The following GART variants were observed in gnomAD, a reference collection of about 807,000 sequenced individuals.
GART encodes the protein trifunctional purine biosynthetic protein adenosine-3.
A neutral mutation model predicts 107.2 loss-of-function variants in GART; 43 were observed. That is an observed-to-expected ratio of 0.40 (90% CI 0.31 to 0.52). The LOEUF is 0.52. Among genes scored for constraint, GART ranks in the 20% least tolerant of loss-of-function variants. GART has a pLI of 0.52. For synonymous variants in GART, 434 were observed against 427.0 expected (o/e 1.02, Z -0.20); for missense variants, 1,107 against 1,206.5 (o/e 0.92, Z 1.22).
At chr21:33,528,356 T>C in intron 9 of GART, 21 bp from the exon 10 acceptor site, 1 of 1,610,040 alleles carries the variant, frequency 6.2e-7, no homozygotes, top group Non-Finnish European at 8.5e-7. Context: ...ATAATCCACA[T>C]GGCAGGTGGG....
chr21:33,522,406 T>A, intron 11 of GART, 124 bp from the exon 12 acceptor site: 1 of 707,106 alleles, frequency 1.4e-6, no homozygotes, highest in Non-Finnish European at 2.4e-6. Flanking sequence ...TAAATTTTTT[T>A]AAAGTCAGTG....
intron 1 of GART, among the ~76,000 whole-genome samples, chr21:33,540,953 G>C (rs1255796791): frequency 1.3e-5 from 2 of 152,170 alleles, no homozygotes; most frequent in South Asian, 4.1e-4. Context: ...ACAGGTAAGA[G>C]GGGGTGGAGC....
At chr21:33,521,072 T>C (rs1490074711) in intron 12 of GART, 57 bp from the exon 13 acceptor site, 8 of 1,375,202 alleles carry the variant, frequency 5.8e-6, no homozygotes, top group East Asian at 2.3e-5. Context: ...CATGTAATTA[T>C]TTAAATGTCT....
upstream of GART, chr21:33,542,143 G>T (rs1313915218): frequency 6.6e-6 from 1 of 150,936 alleles, no homozygotes; most frequent in African/African-American, 2.5e-5. Context: ...GGACCAGCGC[G>T]GCACCGCCCC....
chr21:33,540,650 G>A (rs2085395634), intron 1 of GART, among the ~76,000 whole-genome samples: 1 of 152,094 alleles, frequency 6.6e-6, no homozygotes, highest in Admixed American at 6.6e-5. Flanking sequence ...AGTACAATCT[G>A]GCACTCAGCA....
At chr21:33,539,996 T>C (rs1569039815) in intron 1 of GART, among the ~76,000 whole-genome samples, 1 of 152,182 alleles carries the variant, frequency 6.6e-6, no homozygotes, top group Non-Finnish European at 1.5e-5. Flanking sequence ...TGTTTTAGAC[T>C]CAAAATGTAT....
In GART at chr21:33,522,276, C is replaced by T. The variant is rs2084987475; in HGVS notation, c.1305G>A (p.Leu435=). 2 of 1,609,516 alleles carry T rather than the reference C, an allele frequency of 1.2e-6. No homozygotes were observed. The highest frequency in any genetic ancestry group is 1.7e-6 in the Non-Finnish European group (2 of 1,176,054). ...TATCTACTCCAGATTCCTTGTAAGT[C>T]AAACTCCTAAAGAATTAAAAACAAG... The part of the protein sequence containing the change: ...AIAFLQQPRS[L]TYKESGVDIA... Residue 435 remains leucine (L), a synonymous_variant, in exon 12 of 22, where the codon TTG becomes TTA. Transcript: ENST00000381815.
rs1243942516 is a variant in GART at position 33,539,198 on chromosome 21, C to A, written c.118G>T (p.Ala40Ser). The A allele has an allele frequency of 1.9e-6, 3 of 1,613,858 alleles. No homozygotes were observed. Among genetic ancestry groups the A allele is most frequent in the Non-Finnish European group, 2.5e-6 (3 of 1,179,906 alleles). ...VLVAPGNAGT[A>S]CSEKISNTAI... ...GTATTTGAAATCTTTTCAGAGCAGG[C>A]AGTGCCTGCGTTTCCTGGGGCAACC... The change falls in exon 2 of 22, where the codon GCC becomes TCC. Residue 40 changes from alanine to serine, a missense_variant. Coordinates refer to ENST00000381815, the MANE Select transcript of GART (RefSeq NM_000819.5).
chr21:33,532,908 A>G (rs911455088), intron 4 of GART, among the ~76,000 whole-genome samples: 41 of 152,192 alleles, frequency 2.7e-4, no homozygotes, highest in Non-Finnish European at 3.5e-4. Flanking sequence ...AGTAAGTAAC[A>G]AAACTGTTAC....
Position 33,509,867 on chromosome 21 carries a change from A to G in GART, c.2368T>C (p.Ser790Pro), listed in dbSNP as rs570795394. 2.3e-4 allele frequency: 377 copies of G among 1,613,448 alleles called. 1 individual carries two copies. In the South Asian group the frequency reaches 4.0e-3, roughly 17 times the overall value. The stretch of plus-strand genomic sequence containing the variant: ...GTCAGGGAGCCATTCTTCAACACTG[A>G]CCCATTTATTTGCATGCTTTCAATC... ...NLIESMQING[S>P]VLKNGSLTNH... is the part of the protein sequence containing the mutation. The change falls in exon 18 of 22, where the codon TCA becomes CCA. Residue 790 changes from serine (S) to proline (P), a missense_variant. Ser to Pro is a moderately conservative substitution (Grantham distance 74, BLOSUM62 -1). Coordinates refer to ENST00000381815, the MANE Select transcript of GART (RefSeq NM_000819.5).
Position 33,534,632 on chromosome 21 carries a change from G to A in GART, c.363C>T (p.Thr121=), listed in dbSNP as rs150279055. ...GTTTGGTGAAAGCCTTCCATTGTGC[G>A]GTTGGGATTCCATGTCTGTCCATAA... The part of the protein sequence containing the change: ...KEFMDRHGIP[T]AQWKAFTKPE... Residue 121 remains threonine, a synonymous_variant, in exon 4 of 22, where the codon ACC becomes ACT. Transcript: ENST00000381815. 2.5e-5 allele frequency: 41 copies of A among 1,614,018 alleles called. No homozygotes were observed. Among genetic ancestry groups the A allele is most frequent in the African/African-American group, 6.7e-5 (5 of 74,906 alleles).
chr21:33,505,264 T>C lies in GART; in HGVS notation c.2725+297A>G, dbSNP rs1378696085. On this transcript the variant is annotated intron_variant, in intron 20 of 21. Transcript: ENST00000381815. ...GAATATTTATTCAAAAGATGAAATA[T>C]TATCTTTGCAGTAATGTGAAACAAA... is the stretch of plus-strand genomic sequence containing the variant. Among the ~76,000 whole-genome samples the C allele has an allele frequency of 4.6e-5, 7 of 152,212 alleles. No individual in the cohort carries two copies. The East Asian group carries it at 1.3e-3, about 29-fold the overall frequency.
In GART at chr21:33,506,107, G is replaced by C; in HGVS notation, c.2453-3C>G. 6.2e-7 allele frequency: 1 copy of C among 1,611,420 alleles called. No homozygotes were observed. The highest frequency in any genetic ancestry group is 8.5e-7 in the Non-Finnish European group (1 of 1,179,044). On this transcript the variant is annotated splice_region_variant and splice_polypyrimidine_tract_variant and intron_variant, in intron 18 of 21. Coordinates refer to ENST00000381815, the MANE Select transcript of GART (RefSeq NM_000819.5). ...TATAAGTGCTTGCAGGTTCGATCCT[G>C]AGAAGGGAGAAAAACAGCAGTGAGC...
At chr21:33,531,853 G>A (rs1043263833) in intron 5 of GART, 3 of 342,624 alleles carry the variant, frequency 8.8e-6, no homozygotes, top group Non-Finnish European at 1.6e-5. Context: ...TTTCATTATC[G>A]CCACTTAATC....
chr21:33,530,676 A>G (rs190798310), intron 7 of GART, 83 bp downstream of exon 7: 29 of 1,274,636 alleles, frequency 2.3e-5, no homozygotes, highest in Non-Finnish European at 2.8e-5. Context: ...AACAGAAAAC[A>G]AAACAAAATA....
chr21:33,510,717 T>C (rs148945341), intron 17 of GART, among the ~76,000 whole-genome samples: 260 of 152,264 alleles, frequency 1.7e-3, no homozygotes, highest in Non-Finnish European at 2.0e-3. Flanking sequence ...TCCTACACAA[T>C]AGAGGAAAGA....
rs1163424467 is a variant in GART, at chr21:33,504,227, T to C, written c.2930A>G (p.Lys977Arg). The change falls in exon 22 of 22, where the codon AAA (lysine) becomes AGA (arginine). Residue 977 changes from lysine to arginine, a missense_variant. Lys to Arg is a conservative substitution (Grantham distance 26). Transcript: ENST00000381815. ...DTVATLSERV[K>R]LAEHKIFPAA... ...AGGAAATATTTTATGTTCTGCTAAT[T>C]TTACTCTTTCAGAAAGAGTTGCGAC... is the stretch of plus-strand genomic sequence containing the variant. 1 of 1,614,204 alleles carries C rather than the reference T, an allele frequency of 6.2e-7. No individual in the cohort carries two copies. Among genetic ancestry groups the C allele is most frequent in the East Asian group, 2.2e-5 (1 of 44,892 alleles).
At chr21:33,538,513 G>A (rs909587003) in intron 2 of GART, among the ~76,000 whole-genome samples, 2 of 151,902 alleles carry the variant, frequency 1.3e-5, no homozygotes, top group African/African-American at 2.4e-5. Context: ...GATTGTAAGC[G>A]TGAGCCACTG....
At chr21:33,534,543 T>G in intron 4 of GART, 36 bp downstream of exon 4, 2 of 1,611,658 alleles carry the variant, frequency 1.2e-6, no homozygotes, top group Middle Eastern at 1.7e-4. Flanking sequence ...ATATCAAAAC[T>G]AAACAACTGT....
Sources: allele counts gnomAD v4.1 joint callset (sites outside exome capture counted in the v4.1 genomes callset), GRCh38; gene constraint gnomAD v4.1.1; transcripts MANE v1.5; gene names NCBI Gene and HGNC (gene_info 2026-07-23, HGNC 2026-07-21).